ARB2A: variants seen among roughly 807,000 people sequenced by gnomAD.
The protein encoded by ARB2A is ARB2 cotranscriptional regulator A.
the ARB2A span, among the ~76,000 whole-genome samples, chr5:93,838,727 ATATTG>A: frequency 6.6e-6 from 1 of 152,014 alleles, no homozygotes; most frequent in Non-Finnish European, 1.5e-5. Context: ...TTTGAGCAGT[ATATTG>A]TAATTCTCAT....
the ARB2A span, among the ~76,000 whole-genome samples, chr5:93,832,699 T>C: frequency 6.6e-6 from 1 of 151,904 alleles, no homozygotes; most frequent in Non-Finnish European, 1.5e-5. Flanking sequence ...GAGACTACCA[T>C]GGGGTTAGCT....
the ARB2A span, among the ~76,000 whole-genome samples, chr5:93,944,846 G>C: frequency 6.6e-6 from 1 of 152,090 alleles, no homozygotes; most frequent in African/African-American, 2.4e-5. Flanking sequence ...AGTAGGTACT[G>C]GCTTGACATT....
At chr5:93,993,270 T>C in the ARB2A span, among the ~76,000 whole-genome samples, 9 of 152,246 alleles carry the variant, frequency 5.9e-5, no homozygotes, top group South Asian at 1.9e-3. Flanking sequence ...CTGGTACCAT[T>C]TGCCCAGAGA....
the ARB2A span, among the ~76,000 whole-genome samples, chr5:94,018,276 A>T: frequency 2.0e-5 from 3 of 152,200 alleles, no homozygotes; most frequent in Non-Finnish European, 4.4e-5. Context: ...AAAGAAGACC[A>T]ATACTCAGTG....
the ARB2A span, among the ~76,000 whole-genome samples, chr5:94,040,831 C>T: frequency 1.3e-5 from 2 of 152,126 alleles, no homozygotes; most frequent in Admixed American, 6.5e-5. Flanking sequence ...CAGGGCCCAA[C>T]AGGGGGCAAG....
the ARB2A span, among the ~76,000 whole-genome samples, chr5:93,927,032 T>A: frequency 2.7e-5 from 4 of 145,544 alleles, no homozygotes; most frequent in African/African-American, 1.0e-4. Context: ...CTGCTTGGAA[T>A]GTGCCAGAAA....
At chr5:94,072,374 A>G in the ARB2A span, among the ~76,000 whole-genome samples, 5 of 152,044 alleles carry the variant, frequency 3.3e-5, no homozygotes, top group Non-Finnish European at 2.9e-5. Context: ...ACACACACAC[A>G]CAAATTACTG....
chr5:93,814,069 T>C, the ARB2A span, among the ~76,000 whole-genome samples: 11 of 152,216 alleles, frequency 7.2e-5, no homozygotes, highest in African/African-American at 2.7e-4. Flanking sequence ...AGACTGACTC[T>C]TGATGTCCCT....
chr5:93,895,314 G>A, the ARB2A span, among the ~76,000 whole-genome samples: 1 of 152,062 alleles, frequency 6.6e-6, no homozygotes, highest in African/African-American at 2.4e-5. Context: ...TCTTCCAAGT[G>A]GATATCAATA....
the ARB2A span, among the ~76,000 whole-genome samples, chr5:93,766,084 C>A: frequency 2.0e-5 from 3 of 152,128 alleles, no homozygotes; most frequent in African/African-American, 7.2e-5. Flanking sequence ...CCATAAAAAT[C>A]CTAGAAGAAA....
chr5:94,066,342 G>T, the ARB2A span, among the ~76,000 whole-genome samples: 1 of 105,622 alleles, frequency 9.5e-6, no homozygotes, highest in Non-Finnish European at 2.1e-5. Flanking sequence ...AGAATTATAT[G>T]AAATACAGAT....
chr5:93,726,134 T>C, the ARB2A span, among the ~76,000 whole-genome samples: 3 of 152,126 alleles, frequency 2.0e-5, no homozygotes, highest in African/African-American at 7.2e-5. Context: ...ATGTGCAATA[T>C]CCTACACTTT....
the ARB2A span, among the ~76,000 whole-genome samples, chr5:93,704,992 C>T: frequency 6.6e-6 from 1 of 152,176 alleles, no homozygotes; most frequent in Admixed American, 6.5e-5. Context: ...TGGAAAATAT[C>T]AAGATGCCTG....
At chr5:94,110,023 T>C in the ARB2A span, among the ~76,000 whole-genome samples, 1 of 151,812 alleles carries the variant, frequency 6.6e-6, no homozygotes, top group Non-Finnish European at 1.5e-5. Flanking sequence ...TAGCTGGGAA[T>C]ACAGGCGCAC....
At chr5:94,069,937 G>A in the ARB2A span, among the ~76,000 whole-genome samples, 3 of 152,192 alleles carry the variant, frequency 2.0e-5, no homozygotes, top group Middle Eastern at 3.4e-3. Flanking sequence ...GCACTACTAG[G>A]TATGTATTCA....
chr5:93,923,473 G>A, the ARB2A span, among the ~76,000 whole-genome samples: 1 of 151,924 alleles, frequency 6.6e-6, no homozygotes, highest in African/African-American at 2.4e-5. Context: ...TTCTTTTTGT[G>A]TTTTTCAGCA....
At chr5:94,041,299 T>A in the ARB2A span, among the ~76,000 whole-genome samples, 199 of 152,128 alleles carry the variant, frequency 1.3e-3, no homozygotes, top group Middle Eastern at 0.014. Context: ...TTAGGACACC[T>A]GTAAGCCCAC....
chr5:93,895,322 A>G, the ARB2A span, among the ~76,000 whole-genome samples: 1 of 152,208 alleles, frequency 6.6e-6, no homozygotes, highest in Admixed American at 6.6e-5. Flanking sequence ...GTGGATATCA[A>G]TAGAAGGGTA....
At chr5:93,852,863 T>C in the ARB2A span, among the ~76,000 whole-genome samples, 15 of 152,316 alleles carry the variant, frequency 9.8e-5, no homozygotes, top group South Asian at 2.1e-4. Context: ...TGTAGCCTTG[T>C]AGTATAGTTT....
Sources: allele counts gnomAD v4.1 joint callset (sites outside exome capture counted in the v4.1 genomes callset), GRCh38; gene constraint gnomAD v4.1.1; transcripts MANE v1.5; gene names NCBI Gene and HGNC (gene_info 2026-07-23, HGNC 2026-07-21).